Variants in LYPD6 observed in about 807,000 individuals in gnomAD.
The protein encoded by LYPD6 is ly6/PLAUR domain-containing protein 6.
Under a neutral mutation model 22.7 loss-of-function variants are expected in LYPD6, and 15 were observed. The observed-to-expected ratio is 0.66, with a 90% CI of 0.44 to 1.02. LYPD6 has a LOEUF of 1.02. Ranked by LOEUF, LYPD6 falls within the 50% of genes least tolerant of loss-of-function variation. LYPD6 has a pLI of 0.00. For missense variants in LYPD6, 189 were observed against 208.4 expected (o/e 0.91, Z 0.57); for synonymous variants, 72 against 77.5 (o/e 0.93, Z 0.37).
At chr2:149,469,477 CTTTA>C (rs1429785347) in intron 4 of LYPD6, among the ~76,000 whole-genome samples, 1 of 152,108 alleles carries the variant, frequency 6.6e-6, no homozygotes, top group African/African-American at 2.4e-5. Context: ...ATACTTTGGC[CTTTA>C]TTTAGCAGCT....
chr2:149,443,930 CTTT>C (rs766245738), intron 2 of LYPD6, among the ~76,000 whole-genome samples: 4 of 114,082 alleles, frequency 3.5e-5, no homozygotes, highest in Admixed American at 9.9e-5. Flanking sequence ...ATGTGCATAT[CTTT>C]TTTTTTTTTT....
Position 149,387,542 on chromosome 2 carries a change from G to T in LYPD6, c.-71-50096G>T, listed in dbSNP as rs971968475. The stretch of plus-strand genomic sequence containing the variant: ...CTGTGTTAGATGCTAGTGATGCAAA[G>T]ATTAAAAAGACAGGTTGCAGCCTGG... On this transcript the variant is annotated intron_variant, in intron 1 of 4. Coordinates refer to ENST00000334166, the MANE Select transcript of LYPD6 (RefSeq NM_194317.5). Among the ~76,000 whole-genome samples, 3 of 152,180 alleles carry T rather than the reference G, an allele frequency of 2.0e-5. No homozygotes were observed. The East Asian group carries it at 5.8e-4, about 29-fold the overall frequency.
At chr2:149,435,714 C>T (rs1306140807) in intron 1 of LYPD6, among the ~76,000 whole-genome samples, 1 of 152,190 alleles carries the variant, frequency 6.6e-6, no homozygotes, top group East Asian at 1.9e-4. Flanking sequence ...GCCTGGCAGT[C>T]ACATTTATTA....
At chr2:149,452,773 T>C (rs569974380) in intron 3 of LYPD6, among the ~76,000 whole-genome samples, 1 of 152,338 alleles carries the variant, frequency 6.6e-6, no homozygotes, top group Admixed American at 6.5e-5. Context: ...TCTTAGCGAC[T>C]GACATTCAGG....
chr2:149,332,036 C>G (rs539425634), intron 1 of LYPD6, among the ~76,000 whole-genome samples: 1 of 152,334 alleles, frequency 6.6e-6, no homozygotes, highest in Admixed American at 6.5e-5. Context: ...TATGCGCTCA[C>G]GTGTACCAAG....
chr2:149,351,740 G>C (rs1394791371), intron 1 of LYPD6, among the ~76,000 whole-genome samples: 1 of 152,136 alleles, frequency 6.6e-6, no homozygotes, highest in Admixed American at 6.5e-5. Context: ...ATGAAGATTG[G>C]GTCACTGTAA....
Position 149,470,894 on chromosome 2 carries a change from C to A in LYPD6, c.*44C>A. 1.3e-6 allele frequency: 2 copies of A among 1,554,046 alleles called. No individual in the cohort carries two copies. The highest frequency in any genetic ancestry group is 1.8e-6 in the Non-Finnish European group (2 of 1,133,050). ...TGTTAATAGCGATCCATGGGGATCTCGATGGTCCACAGACCTGCATGAGTC... is the reference window on the plus strand; with the variant it reads ...TGTTAATAGCGATCCATGGGGATCTAGATGGTCCACAGACCTGCATGAGTC... On this transcript the variant is annotated 3_prime_UTR_variant, in exon 5 of 5. Coordinates refer to ENST00000334166, the MANE Select transcript of LYPD6 (RefSeq NM_194317.5).
chr2:149,350,239 G>A (rs1196696), intron 1 of LYPD6, among the ~76,000 whole-genome samples: 98,308 of 152,128 alleles, frequency 0.65, 32,826 homozygotes, highest in East Asian at 0.9. Flanking sequence ...GTAAGAATCA[G>A]GTATTGTTTT....
Position 149,471,149 on chromosome 2 carries a change from G to A in LYPD6, c.*299G>A. 1 of 245,386 alleles carries A rather than the reference G, an allele frequency of 4.1e-6. No individual in the cohort carries two copies. The highest frequency in any genetic ancestry group is 7.9e-6 in the Non-Finnish European group (1 of 126,042). The allele number at this position is 245,386 out of a possible 1,614,324, so 15.2% of individuals were successfully genotyped here. ...TATCGAGATCTGGGGTTCTTAATTT[G>A]GAAGAATACATGCATGAGATGCAGT... is the stretch of plus-strand genomic sequence containing the variant. On this transcript the variant is annotated 3_prime_UTR_variant, in exon 5 of 5. Coordinates refer to ENST00000334166, the MANE Select transcript of LYPD6 (RefSeq NM_194317.5).
chr2:149,420,522 T>G (rs1041501560), intron 1 of LYPD6, among the ~76,000 whole-genome samples: 1 of 152,064 alleles, frequency 6.6e-6, no homozygotes, highest in Non-Finnish European at 1.5e-5. Flanking sequence ...AAAGGTAGAG[T>G]GTACTTCACC....
intron 1 of LYPD6, among the ~76,000 whole-genome samples, chr2:149,421,389 CAAAAAAAAAA>C (rs771199025): frequency 3.0e-5 from 2 of 67,400 alleles, no homozygotes; most frequent in Non-Finnish European, 6.0e-5. Context: ...GACTCCATCT[CAAAAAAAAAA>C]AAAAAAAAAA....
intron 1 of LYPD6, among the ~76,000 whole-genome samples, chr2:149,426,543 A>G (rs1683192034): frequency 2.0e-5 from 3 of 152,294 alleles, no homozygotes; most frequent in Admixed American, 6.5e-5. Context: ...AAGAAAGGGC[A>G]TGATTTGTAA....
intron 1 of LYPD6, among the ~76,000 whole-genome samples, chr2:149,435,577 G>A (rs2105147740): frequency 6.6e-6 from 1 of 152,342 alleles, no homozygotes; most frequent in East Asian, 1.9e-4. Context: ...GTGGAAAGAA[G>A]CACTGTTGAA....
At chr2:149,438,941 A>C (rs970757997) in intron 2 of LYPD6, among the ~76,000 whole-genome samples, 3 of 152,222 alleles carry the variant, frequency 2.0e-5, no homozygotes, top group Admixed American at 2.0e-4. Flanking sequence ...CTTAGCACTG[A>C]GTGTGAGACA....
chr2:149,380,168 G>T (rs1243977987), intron 1 of LYPD6, among the ~76,000 whole-genome samples: 2 of 152,210 alleles, frequency 1.3e-5, no homozygotes, highest in African/African-American at 4.8e-5. Flanking sequence ...GCGGTGGAAT[G>T]ATCCTGAATA....
chr2:149,390,453 T>A (rs1028226022), intron 1 of LYPD6, among the ~76,000 whole-genome samples: 2 of 152,238 alleles, frequency 1.3e-5, no homozygotes, highest in African/African-American at 2.4e-5. Context: ...CTTCTACTCA[T>A]GCAGTACTTC....
intron 1 of LYPD6, among the ~76,000 whole-genome samples, chr2:149,339,193 C>T (rs1284667898): frequency 6.6e-6 from 1 of 152,192 alleles, no homozygotes; most frequent in Non-Finnish European, 1.5e-5. Flanking sequence ...CACAGACCAA[C>T]CCAAAGACTA....
downstream of LYPD6, among the ~76,000 whole-genome samples, chr2:149,474,835 T>TGC (rs1681424415): frequency 6.6e-6 from 1 of 152,150 alleles, no homozygotes; most frequent in Non-Finnish European, 1.5e-5. Context: ...TGGCATGATC[T>TGC]CACACTTACT....
intron 1 of LYPD6, among the ~76,000 whole-genome samples, chr2:149,421,180 G>C (rs1040114270): frequency 1.3e-5 from 2 of 151,996 alleles, no homozygotes; most frequent in African/African-American, 4.8e-5. Flanking sequence ...CAGATCACTT[G>C]AAGTCAGGAG....
Sources: gnomAD v4.1 joint callset for allele counts (sites outside exome capture counted in the v4.1 genomes callset) on GRCh38, gnomAD v4.1.1 for gene constraint, MANE v1.5 for transcripts, NCBI Gene and HGNC (gene_info 2026-07-23, HGNC 2026-07-21) for gene names.